CHD6: variants seen among roughly 807,000 people sequenced by gnomAD.
CHD6 encodes the protein ATP-dependent chromatin remodeler CHD6.
In CHD6, 50 loss-of-function variants were observed where a neutral mutation model predicts 276.9. That is an observed-to-expected ratio of 0.18 (90% CI 0.14 to 0.23). The LOEUF (loss-of-function observed/expected upper bound fraction) is 0.23. CHD6 is among the 10% of genes least tolerant of loss of function. The probability of loss-of-function intolerance (pLI) is 1.00; values close to 1 mark genes in which losing one functional copy is unlikely to be tolerated. For synonymous variants in CHD6, 1,173 were observed against 1,229.3 expected, an observed-to-expected ratio of 0.95 and a Z score of 0.96; for missense variants, 2,564 against 3,365.8, an observed-to-expected ratio of 0.76 and a Z score of 5.89.
intron 1 of CHD6, among the ~76,000 whole-genome samples, chr20:41,599,827 G>A (rs2045755772): frequency 6.6e-6 from 1 of 152,144 alleles, no homozygotes; most frequent in South Asian, 2.1e-4. Flanking sequence ...CCAACTAGTT[G>A]GTAATAGACA....
At chr20:41,420,446 C>G in intron 31 of CHD6, 62 bp downstream of exon 31, 1 of 1,519,802 alleles carries the variant, frequency 6.6e-7, no homozygotes, top group Admixed American at 2.1e-5. Context: ...CCCCTAAAAC[C>G]CAACCCCCCG....
At chr20:41,518,598 G>A (rs2044309603) in intron 3 of CHD6, among the ~76,000 whole-genome samples, 1 of 152,074 alleles carries the variant, frequency 6.6e-6, no homozygotes, top group Non-Finnish European at 1.5e-5. Context: ...CGGCAGAAAC[G>A]TGCTCCCTTA....
At chr20:41,461,187 T>A (rs1328785629) in intron 17 of CHD6, among the ~76,000 whole-genome samples, 1 of 152,220 alleles carries the variant, frequency 6.6e-6, no homozygotes, top group African/African-American at 2.4e-5. Context: ...TGCTTTTGAT[T>A]TTACAGGCTC....
intron 1 of CHD6, among the ~76,000 whole-genome samples, chr20:41,552,588 G>A (rs776355331): frequency 3.3e-5 from 5 of 152,184 alleles, no homozygotes; most frequent in Admixed American, 2.6e-4. Context: ...TTCTAAGTAA[G>A]TTCATGGCAT....
rs1313962772 is a variant in CHD6, at chr20:41,404,625, C to T, written c.8116G>A (p.Ala2706Thr). The T allele has an allele frequency of 1.2e-5, 18 of 1,499,088 alleles. No homozygotes were observed. Among genetic ancestry groups the T allele is most frequent in the South Asian group, 5.7e-5 (4 of 69,614 alleles). 92.9% of individuals were successfully genotyped at this position (1,499,088 alleles called of 1,614,324 possible). A position where few individuals can be genotyped will look rare whatever the true frequency, so the allele number is the denominator to read the frequency against. Reference sequence around the variant, plus strand: ...GTGTCGTTGTTGGAGTCTTTGAGTGCCCCCTCCCCAGCCTGTGCCCCATGT... The same window carrying T: ...GTGTCGTTGTTGGAGTCTTTGAGTGTCCCCTCCCCAGCCTGTGCCCCATGT... ...REHGAQAGEG[A>T]LKDSNNDTN The change falls in exon 37 of 37, where the codon GCA becomes ACA. Residue 2706 changes from alanine (A) to threonine (T), a missense_variant. Around this residue, in one of 7 missense-constraint regions of CHD6, gnomAD observed 238 missense variants for 266.0 expected, o/e 0.89. Coordinates refer to ENST00000373233, the MANE Select transcript of CHD6 (RefSeq NM_032221.5).
chr20:41,503,107 C>T (rs140025552), intron 5 of CHD6, among the ~76,000 whole-genome samples: 5 of 152,236 alleles, frequency 3.3e-5, no homozygotes, highest in South Asian at 2.1e-4. Flanking sequence ...TTAGCATAGA[C>T]GGCTTGTGTA....
chr20:41,443,118 C>T (rs964966571), intron 25 of CHD6, among the ~76,000 whole-genome samples: 1 of 152,228 alleles, frequency 6.6e-6, no homozygotes, highest in African/African-American at 2.4e-5. Context: ...AACTGACAAT[C>T]TGTGAGAATC....
chr20:41,491,936 T>C, intron 10 of CHD6, 117 bp from the exon 11 acceptor site: 1 of 1,112,834 alleles, frequency 9.0e-7, no homozygotes, highest in Non-Finnish European at 1.3e-6. Context: ...CAAACTATAG[T>C]TATTACCTTC....
rs949817111 is a variant in CHD6 at position 41,514,568 on chromosome 20, T to C, written c.702+237A>G. Among the ~76,000 whole-genome samples the C allele has an allele frequency of 2.0e-5, 3 of 152,192 alleles. No individual in the cohort carries two copies. The East Asian group carries it at 5.8e-4, about 29-fold the overall frequency. On this transcript the variant is annotated intron_variant, in intron 4 of 36. Coordinates refer to ENST00000373233, the MANE Select transcript of CHD6 (RefSeq NM_032221.5). ...CATCAACTCCCTCTGCAGCCTAATATCCTGCTACCTTCCAGGAATGAGGCA... is the reference window on the plus strand; with the variant it reads ...CATCAACTCCCTCTGCAGCCTAATACCCTGCTACCTTCCAGGAATGAGGCA...
At position 41,514,816 on chromosome 20, in the gene CHD6, T is replaced by C. The variant is rs1265699599; in HGVS notation, c.691A>G (p.Thr231Ala). The C allele has an allele frequency of 3.7e-6, 6 of 1,613,830 alleles. No homozygotes were observed. In the Admixed American group the frequency reaches 8.3e-5, roughly 22 times the overall value. The change falls in exon 4 of 37, where the codon ACA (threonine) becomes GCA (alanine). Residue 231 changes from threonine (T) to alanine (A), a missense_variant. This residue lies in a region of CHD6 where 286 missense variants were observed against 297.8 expected (regional missense o/e 0.96). Coordinates refer to ENST00000373233, the MANE Select transcript of CHD6 (RefSeq NM_032221.5). Reference sequence around the variant, plus strand: ...GGTCACAGCTGTACCTGGCTGTCTGTAGACTCAGTGGACTCCTCAGGACTC... The same window carrying C: ...GGTCACAGCTGTACCTGGCTGTCTGCAGACTCAGTGGACTCCTCAGGACTC... ...LRSPEESTESTDSQKRRSGRQ... is the reference protein window; with the variant it reads ...LRSPEESTESADSQKRRSGRQ...
At chr20:41,420,449 AC>A (rs1233186062) in intron 31 of CHD6, 58 bp downstream of exon 31, 39 of 1,521,900 alleles carry the variant, frequency 2.6e-5, no homozygotes, top group Non-Finnish European at 3.3e-5. Context: ...CTAAAACCCA[AC>A]CCCCCGTCGT....
chr20:41,450,462 T>G (rs1322762732), intron 23 of CHD6, among the ~76,000 whole-genome samples: 1 of 152,126 alleles, frequency 6.6e-6, no homozygotes, highest in Non-Finnish European at 1.5e-5. Flanking sequence ...CAATCAGTTT[T>G]TTTTTTTTTT....
intron 17 of CHD6, among the ~76,000 whole-genome samples, chr20:41,471,760 C>T (rs2043059146): frequency 6.6e-6 from 1 of 152,042 alleles, no homozygotes; most frequent in Admixed American, 6.5e-5. Flanking sequence ...TGGTCTCAAT[C>T]TCCTGACCTT....
Position 41,543,913 on chromosome 20 carries a change from C to A in CHD6, c.33+7392G>T, listed in dbSNP as rs149761017. On this transcript the variant is annotated intron_variant, in intron 2 of 36. Transcript: ENST00000373233. The stretch of plus-strand genomic sequence containing the variant: ...TTTGGTTTTTTCATAATACTTTAAC[C>A]CTTTGGGCTAGTTTTCCCAAGGATG... Among the ~76,000 whole-genome samples, 77 of 152,200 alleles carry A rather than the reference C, an allele frequency of 5.1e-4. No individual in the cohort carries two copies. In the East Asian group the frequency reaches 0.012, roughly 24 times the overall value.
At chr20:41,479,390 A>G (rs1208938928) in intron 16 of CHD6, among the ~76,000 whole-genome samples, 2 of 152,168 alleles carry the variant, frequency 1.3e-5, no homozygotes, top group Admixed American at 1.3e-4. Flanking sequence ...ACCAAAAATT[A>G]AAAAGAAAAT....
chr20:41,539,551 C>A (rs1182485706), intron 2 of CHD6, among the ~76,000 whole-genome samples: 1 of 152,216 alleles, frequency 6.6e-6, no homozygotes, highest in Non-Finnish European at 1.5e-5. Context: ...ACACACACGA[C>A]CACCCCACTG....
At position 41,497,486 on chromosome 20, in the gene CHD6, A is replaced by G; in HGVS notation, c.990T>C (p.Cys330=). 6.2e-7 allele frequency: 1 copy of G among 1,611,674 alleles called. No homozygotes were observed. Among genetic ancestry groups the G allele is most frequent in the Non-Finnish European group, 8.5e-7 (1 of 1,177,842 alleles). ...CGAGCTCTTCCATTGTGGCCCATTT[A>G]CAATGTAAGTAGGAACTATCCAAAG... ...VKYRNFSYLH[C]KWATMEELEK... Residue 330 remains cysteine (C), a synonymous_variant, in exon 8 of 37, where the codon TGT becomes TGC. Transcript: ENST00000373233.
At chr20:41,563,949 C>T in intron 1 of CHD6, 1 of 717,646 alleles carries the variant, frequency 1.4e-6, no homozygotes, top group Non-Finnish European at 2.6e-6. Flanking sequence ...GAGGTCTCAC[C>T]AGTAACACAA....
chr20:41,478,399 C>T (rs2043214350), intron 16 of CHD6, among the ~76,000 whole-genome samples: 1 of 152,058 alleles, frequency 6.6e-6, no homozygotes, highest in Non-Finnish European at 1.5e-5. Flanking sequence ...AGGGCACTGG[C>T]GAGTTAACAA....
Sources: gnomAD v4.1 joint callset for allele counts (sites outside exome capture counted in the v4.1 genomes callset) on GRCh38, gnomAD v4.1.1 for gene constraint, gnomAD v4.1.1 regional missense constraint, MANE v1.5 for transcripts, NCBI Gene and HGNC (gene_info 2026-07-23, HGNC 2026-07-21) for gene names.